MSI1: variants seen among roughly 807,000 people sequenced by gnomAD.
MSI1 encodes the protein musashi RNA binding protein 1.
Under a neutral mutation model 54.4 loss-of-function variants are expected in MSI1, and 15 were observed. The observed-to-expected ratio is 0.28, with a 90% CI of 0.18 to 0.42. MSI1 has a LOEUF of 0.42. Among genes scored for constraint, MSI1 ranks in the 20% least tolerant of loss-of-function variants. The pLI is 1.00. For missense variants in MSI1, 304 were observed against 506.0 expected (o/e 0.60, Z 3.83); for synonymous variants, 200 against 196.5 (o/e 1.02, Z -0.15).
At chr12:120,364,810 C>T (rs186009127) in intron 4 of MSI1, 55 bp from the exon 5 acceptor site, 11 of 1,522,182 alleles carry the variant, frequency 7.2e-6, no homozygotes, top group Middle Eastern at 1.7e-4. Flanking sequence ...TTTAGAAGAG[C>T]GACCACACAG....
chr12:120,368,882 G>T lies in MSI1; in HGVS notation c.60-9C>A. ...CCCCGATGAACATCTTGCTGCGGGA[G>T]GAGGAGAGACACAAAGGGCCCGCGT... is the stretch of plus-strand genomic sequence containing the variant. On this transcript the variant is annotated splice_polypyrimidine_tract_variant and intron_variant, in intron 1 of 14. Transcript: ENST00000257552. This position sits in a 1 kb window ranked among gnomAD's most constrained non-coding sequence, Gnocchi z 6.6. The T allele has an allele frequency of 6.8e-7, 1 of 1,462,756 alleles. No individual in the cohort carries two copies. The highest frequency in any genetic ancestry group is 9.1e-7 in the Non-Finnish European group (1 of 1,096,058). 90.6% of individuals were successfully genotyped at this position (1,462,756 alleles called of 1,614,324 possible).
rs1212158952 is a variant in MSI1 at position 120,355,017 on chromosome 12, A to AC, written c.653-1639dup. ...GAGACCAGCTGGGCAACATAGTGAG[A>AC]CCCCGTCTCTACCAAAAAAAAAAAA... On this transcript the variant is annotated intron_variant, in intron 9 of 14. Coordinates refer to ENST00000257552, the MANE Select transcript of MSI1 (RefSeq NM_002442.4). Among the ~76,000 whole-genome samples, 5 of 116,016 alleles carry AC rather than the reference A, an allele frequency of 4.3e-5. No homozygotes were observed. The East Asian group carries it at 7.5e-4, about 17-fold the overall frequency. The allele number at this position is 116,016 out of a possible 152,430, so 76.1% of individuals were successfully genotyped here. A position where few individuals can be genotyped will look rare whatever the true frequency, so the allele number is the denominator to read the frequency against.
intron 6 of MSI1, among the ~76,000 whole-genome samples, chr12:120,362,128 A>C (rs1247844750): frequency 6.8e-6 from 1 of 147,670 alleles, no homozygotes; most frequent in Non-Finnish European, 1.5e-5. Flanking sequence ...GGTCCCCCAC[A>C]CCACCAGCCT....
chr12:120,352,634 G>A (rs968361068), intron 10 of MSI1, among the ~76,000 whole-genome samples: 1 of 152,088 alleles, frequency 6.6e-6, no homozygotes, highest in African/African-American at 2.4e-5. Context: ...TGAGGCAGAG[G>A]ATGTAAGTGC....
Position 120,368,733 on chromosome 12 carries a change from G to A in MSI1, c.100+100C>T. The A allele has an allele frequency of 9.0e-7, 1 of 1,106,774 alleles. No individual in the cohort carries two copies. The highest frequency in any genetic ancestry group is 1.1e-6 in the Non-Finnish European group (1 of 874,100). 68.6% of individuals were successfully genotyped at this position (1,106,774 alleles called of 1,614,324 possible). Reference sequence around the variant, plus strand: ...CGAAAGAGGGCGCGAGGGCGCCCGGGGTCAGCAGGGCGCAGGGCCGGGCTG... The same window carrying A: ...CGAAAGAGGGCGCGAGGGCGCCCGGAGTCAGCAGGGCGCAGGGCCGGGCTG... On this transcript the variant is annotated intron_variant, in intron 2 of 14. Coordinates refer to ENST00000257552, the MANE Select transcript of MSI1 (RefSeq NM_002442.4). This position sits in a 1 kb window ranked among gnomAD's most constrained non-coding sequence, Gnocchi z 6.6.
Position 120,347,427 on chromosome 12 carries a change from G to T in MSI1, c.859+19C>A. ...CCTGTGCTCCCTCATCTCTCTTCCT[G>T]CACCTCAGAAGAGCTCACCTGTCCC... On this transcript the variant is annotated intron_variant, in intron 12 of 14. Transcript: ENST00000257552. 1 of 1,613,686 alleles carries T rather than the reference G, an allele frequency of 6.2e-7. No individual in the cohort carries two copies.
At chr12:120,366,008 G>C (rs1875994252) in intron 4 of MSI1, among the ~76,000 whole-genome samples, 1 of 152,152 alleles carries the variant, frequency 6.6e-6, no homozygotes, top group African/African-American at 2.4e-5. Flanking sequence ...TGAACAACCA[G>C]AGGGAAAAAT....
intron 4 of MSI1, among the ~76,000 whole-genome samples, chr12:120,364,998 C>A (rs1050398461): frequency 6.6e-6 from 1 of 152,178 alleles, no homozygotes; most frequent in Admixed American, 6.5e-5. Flanking sequence ...GCAACCTCTG[C>A]CTCTCGGGTT....
chr12:120,362,010 G>C (rs1249096782), intron 6 of MSI1, among the ~76,000 whole-genome samples: 1 of 151,838 alleles, frequency 6.6e-6, no homozygotes, highest in Non-Finnish European at 1.5e-5. Context: ...CAGCCGAGCC[G>C]GGCCTGCTGC....
At chr12:120,361,908 G>A (rs892991437) in intron 6 of MSI1, among the ~76,000 whole-genome samples, 2 of 151,824 alleles carry the variant, frequency 1.3e-5, no homozygotes, top group East Asian at 3.9e-4. Context: ...GGCAACGCCG[G>A]CCCCGGGGGC....
At chr12:120,346,816 C>A (rs1234172731) in intron 12 of MSI1, among the ~76,000 whole-genome samples, 1 of 152,308 alleles carries the variant, frequency 6.6e-6, no homozygotes, top group Non-Finnish European at 1.5e-5. Flanking sequence ...TTCCTAGAGG[C>A]CCCAGCTGGG....
chr12:120,351,640 G>T (rs1874606135), intron 10 of MSI1, among the ~76,000 whole-genome samples: 1 of 151,976 alleles, frequency 6.6e-6, no homozygotes, highest in South Asian at 2.1e-4. Flanking sequence ...ACGGGGCAGG[G>T]CTGGAGCTAC....
At chr12:120,351,441 G>A in intron 10 of MSI1, 41 bp from the exon 11 acceptor site, 2 of 1,598,650 alleles carry the variant, frequency 1.3e-6, no homozygotes, top group Non-Finnish European at 1.7e-6. Context: ...AAGCAGGGGA[G>A]GCCCCTTGGA....
chr12:120,357,224 A>G (rs1875208779), intron 8 of MSI1, among the ~76,000 whole-genome samples: 1 of 151,956 alleles, frequency 6.6e-6, no homozygotes, highest in African/African-American at 2.4e-5. Flanking sequence ...GCTTACACCA[A>G]TACTACCAAT....
intron 9 of MSI1, 111 bp from the exon 10 acceptor site, chr12:120,353,490 A>G: frequency 1.1e-6 from 1 of 927,364 alleles, no homozygotes; most frequent in Middle Eastern, 2.4e-4. Context: ...CATGAATAAT[A>G]GCTATACCCT....
intron 4 of MSI1, among the ~76,000 whole-genome samples, chr12:120,365,778 C>T (rs1056119655): frequency 1.3e-5 from 2 of 152,210 alleles, no homozygotes; most frequent in Admixed American, 6.5e-5. Context: ...GACCTAGAAA[C>T]TCTGGGCCTC....
chr12:120,368,024 T>TC lies in MSI1; in HGVS notation c.250dup (p.Glu84GlyfsTer8). On this transcript the variant is annotated frameshift_variant, in exon 4 of 15. Coordinates refer to ENST00000257552, the MANE Select transcript of MSI1 (RefSeq NM_002442.4). LOFTEE classifies it high-confidence loss of function. The surrounding 1 kb of genome is among the most constrained non-coding windows in gnomAD (Gnocchi z 6.6). ...GCCACTCACTGTTTTGGAGTCGAGC[T>TC]CGTGCCGCGATTGCGCCAGCACTTT... 1 of 1,612,700 alleles carries TC rather than the reference T, an allele frequency of 6.2e-7. No individual in the cohort carries two copies. The highest frequency in any genetic ancestry group is 8.5e-7 in the Non-Finnish European group (1 of 1,179,454).
At chr12:120,347,094 C>T (rs768737816) in intron 12 of MSI1, among the ~76,000 whole-genome samples, 9 of 152,270 alleles carry the variant, frequency 5.9e-5, no homozygotes, top group East Asian at 3.9e-4. Context: ...GGATTACAGG[C>T]GCGCACCACC....
intron 14 of MSI1, among the ~76,000 whole-genome samples, chr12:120,344,086 C>T (rs1873914532): frequency 6.6e-6 from 1 of 152,150 alleles, no homozygotes; most frequent in Non-Finnish European, 1.5e-5. Flanking sequence ...GAACTCCTGA[C>T]CTCAGGTGAT....
Sources: allele counts gnomAD v4.1 joint callset (sites outside exome capture counted in the v4.1 genomes callset), GRCh38; gene constraint gnomAD v4.1.1; non-coding constraint Gnocchi (gnomAD v3.1); transcripts MANE v1.5; gene names NCBI Gene and HGNC (gene_info 2026-07-23, HGNC 2026-07-21).